The following CACNA2D3 variants were observed in gnomAD, a reference collection of about 807,000 sequenced individuals.
The protein encoded by CACNA2D3 is calcium voltage-gated channel auxiliary subunit alpha2delta 3, also known as voltage-dependent calcium channel subunit alpha-2/delta-3.
CACNA2D3 carries 60 observed loss-of-function variants against 160.6 expected under a neutral mutation model. The ratio of observed to expected loss-of-function variants is 0.37; its 90% confidence interval spans 0.30 to 0.46. CACNA2D3 has a LOEUF of 0.46. CACNA2D3 is among the 20% of genes least tolerant of loss of function. The pLI is 1.00. For synonymous variants in CACNA2D3, 558 were observed against 492.9 expected (o/e 1.13, Z -1.75); for missense variants, 1,205 against 1,365.0 (o/e 0.88, Z 1.85).
intron 4 of CACNA2D3, among the ~76,000 whole-genome samples, chr3:54,406,740 T>C (rs1699583628): frequency 6.6e-6 from 1 of 152,078 alleles, no homozygotes. Context: ...GTTGATCTAA[T>C]GTGCAACATG....
At chr3:54,434,268 C>T (rs1365413156) in intron 4 of CACNA2D3, among the ~76,000 whole-genome samples, 1 of 152,236 alleles carries the variant, frequency 6.6e-6, no homozygotes, top group Non-Finnish European at 1.5e-5. Flanking sequence ...TGTGCTTACA[C>T]TCCCACCCAG....
chr3:54,809,080 C>T (rs377372839), intron 13 of CACNA2D3, among the ~76,000 whole-genome samples: 2 of 151,862 alleles, frequency 1.3e-5, no homozygotes, highest in African/African-American at 2.4e-5. Context: ...AGTTCAGAGA[C>T]GCTATATTGT....
chr3:54,285,689 CA>C (rs1286393930), intron 2 of CACNA2D3, among the ~76,000 whole-genome samples: 1 of 152,204 alleles, frequency 6.6e-6, no homozygotes, highest in Admixed American at 6.5e-5. Flanking sequence ...CCAGTAGGGG[CA>C]GACAGACACA....
At chr3:54,449,045 G>A (rs1700264114) in intron 4 of CACNA2D3, among the ~76,000 whole-genome samples, 1 of 152,192 alleles carries the variant, frequency 6.6e-6, no homozygotes, top group Non-Finnish European at 1.5e-5. Context: ...TGAAAGACAA[G>A]AAGTAGCAAA....
chr3:54,229,379 G>C (rs1220133873), intron 2 of CACNA2D3, among the ~76,000 whole-genome samples: 1 of 151,990 alleles, frequency 6.6e-6, no homozygotes, highest in Non-Finnish European at 1.5e-5. Flanking sequence ...TTGTTTAGTA[G>C]AGACGGGGTT....
chr3:54,180,100 CTT>C (rs5849033), intron 2 of CACNA2D3, among the ~76,000 whole-genome samples: 4 of 127,794 alleles, frequency 3.1e-5, no homozygotes, highest in Non-Finnish European at 6.5e-5. Context: ...TGTCTTTTGC[CTT>C]TTTTTTTTTT....
rs77981008 is a variant in CACNA2D3 at position 54,367,087 on chromosome 3, G to T, written c.322-19628G>T. ...ATTGACTTCGAATCTATCCATCGTT[G>T]CCCTCTCACATTTGATAAACTGCCA... On this transcript the variant is annotated intron_variant, in intron 3 of 37. Coordinates refer to ENST00000474759, the MANE Select transcript of CACNA2D3 (RefSeq NM_018398.3). Among the ~76,000 whole-genome samples, 404 of 152,240 alleles carry T rather than the reference G, an allele frequency of 2.7e-3. 2 individuals are homozygous for T. The highest frequency in any genetic ancestry group is 0.024 in the East Asian group (122 of 5,180).
At chr3:54,899,931 G>A in intron 27 of CACNA2D3, 63 bp downstream of exon 27, 1 of 1,208,286 alleles carries the variant, frequency 8.3e-7, no homozygotes, top group South Asian at 1.3e-5. Flanking sequence ...CCGGCCAGTG[G>A]GCTACTTCTG....
Position 54,752,636 on chromosome 3 carries a change from C to T in CACNA2D3, c.1205C>T (p.Ala402Val), listed in dbSNP as rs1414343832. 6 of 1,613,436 alleles carry T rather than the reference C, an allele frequency of 3.7e-6. No homozygotes were observed. Among genetic ancestry groups the T allele is most frequent in the South Asian group, 1.1e-5 (1 of 90,892 alleles). The change falls in exon 12 of 38, where the codon GCG becomes GTG. Residue 402 changes from alanine to valine, a missense_variant. Ala to Val is a moderately conservative substitution (Grantham distance 64). This residue lies in a region of CACNA2D3 where 911 missense variants were observed against 1,002.2 expected (regional missense o/e 0.91). Transcript: ENST00000474759. The stretch of plus-strand genomic sequence containing the variant: ...ACATACCTCATTGGACGAGAGGCTG[C>T]GTTTGCAGACAATCTAAAGTGGATG... ...IFTYLIGREAAFADNLKWMAC... is the reference protein window; with the variant it reads ...IFTYLIGREAVFADNLKWMAC...
At chr3:54,807,735 G>C (rs1394053104) in intron 13 of CACNA2D3, among the ~76,000 whole-genome samples, 1 of 151,872 alleles carries the variant, frequency 6.6e-6, no homozygotes, top group Non-Finnish European at 1.5e-5. Context: ...AAATCATGCT[G>C]CTATAAAGAC....
At chr3:54,418,651 C>G (rs1197727361) in intron 4 of CACNA2D3, among the ~76,000 whole-genome samples, 4 of 152,164 alleles carry the variant, frequency 2.6e-5, no homozygotes, top group African/African-American at 9.7e-5. Context: ...AGATTTGAAT[C>G]TTGGCTTTTT....
intron 5 of CACNA2D3, among the ~76,000 whole-genome samples, chr3:54,555,025 C>G (rs1162334162): frequency 6.6e-6 from 1 of 151,830 alleles, no homozygotes; most frequent in Non-Finnish European, 1.5e-5. Context: ...CAGGAGCACA[C>G]CACCCCGCCT....
intron 35 of CACNA2D3, among the ~76,000 whole-genome samples, chr3:55,067,748 A>C (rs1575460894): frequency 7.5e-6 from 1 of 133,736 alleles, no homozygotes; most frequent in South Asian, 2.4e-4. Context: ...TACATACATA[A>C]AGACAGAGCG....
intron 4 of CACNA2D3, among the ~76,000 whole-genome samples, chr3:54,417,046 C>A (rs973301504): frequency 6.6e-6 from 1 of 152,152 alleles, no homozygotes. Flanking sequence ...CAGGTAGGAA[C>A]TCAGAGGGAG....
intron 5 of CACNA2D3, among the ~76,000 whole-genome samples, chr3:54,549,258 A>C (rs369681465): frequency 1.3e-5 from 2 of 152,156 alleles, no homozygotes; most frequent in East Asian, 1.9e-4. Context: ...CATCCTGGCT[A>C]ACACGGTGAA....
intron 2 of CACNA2D3, among the ~76,000 whole-genome samples, chr3:54,273,776 C>T (rs1237360313): frequency 6.6e-6 from 1 of 152,116 alleles, no homozygotes; most frequent in Non-Finnish European, 1.5e-5. Context: ...AGGTCAGTTC[C>T]CAGGTGTTTC....
chr3:54,299,854 T>C (rs1459008839), intron 2 of CACNA2D3, among the ~76,000 whole-genome samples: 4 of 152,240 alleles, frequency 2.6e-5, no homozygotes, highest in East Asian at 1.9e-4. Flanking sequence ...AAATATTTGG[T>C]AATTGAAACC....
chr3:54,587,274 G>A (rs1702778731), intron 9 of CACNA2D3, among the ~76,000 whole-genome samples: 1 of 151,996 alleles, frequency 6.6e-6, no homozygotes, highest in Admixed American at 6.6e-5. Flanking sequence ...AATGAAGAGA[G>A]GGGCAGGCGC....
intron 27 of CACNA2D3, among the ~76,000 whole-genome samples, chr3:54,927,423 A>G (rs1701053465): frequency 6.6e-6 from 1 of 152,194 alleles, no homozygotes; most frequent in Admixed American, 6.5e-5. Flanking sequence ...AAGCCAAAAC[A>G]TCTTCCCCTC....
Sources: allele counts gnomAD v4.1 joint callset (sites outside exome capture counted in the v4.1 genomes callset), GRCh38; gene constraint gnomAD v4.1.1; regional missense constraint gnomAD v4.1.1; transcripts MANE v1.5; gene names NCBI Gene and HGNC (gene_info 2026-07-23, HGNC 2026-07-21).